The following TMPO variants were observed in gnomAD, a reference collection of about 807,000 sequenced individuals.
TMPO encodes the protein thymopoietin.
In TMPO, 22 loss-of-function variants were observed where a neutral mutation model predicts 45.4. The ratio of observed to expected loss-of-function variants is 0.48; its 90% CI spans 0.35 to 0.69. TMPO has a LOEUF of 0.69. TMPO is among the 30% of genes least tolerant of loss of function. The pLI, the probability that TMPO is intolerant of heterozygous loss-of-function variation, is 0.01. For missense variants in TMPO, 512 were observed against 548.8 expected, an observed-to-expected ratio of 0.93 and a Z score of 0.67; for synonymous variants, 241 against 204.1, an observed-to-expected ratio of 1.18 and a Z score of -1.54.
intron 4 of TMPO, among the ~76,000 whole-genome samples, chr12:98,539,670 C>T (rs1299378863): frequency 1.3e-5 from 2 of 152,104 alleles, no homozygotes; most frequent in Non-Finnish European, 2.9e-5. Flanking sequence ...GACCAGGTTT[C>T]ACCATGTTGG....
At chr12:98,539,202 A>AAAATAAATAAATAAATAAAT (rs71436918) in intron 4 of TMPO, among the ~76,000 whole-genome samples, 1 of 151,338 alleles carries the variant, frequency 6.6e-6, no homozygotes, top group East Asian at 2.0e-4. Flanking sequence ...CTCTGTCTCA[A>AAAATAAATAAATAAATAAAT]AAATAAATAA....
At chr12:98,538,810 T>G (rs984594529) in intron 4 of TMPO, among the ~76,000 whole-genome samples, 1 of 152,206 alleles carries the variant, frequency 6.6e-6, no homozygotes, top group African/African-American at 2.4e-5. Context: ...ATTGAATGAA[T>G]GAAGACTTTG....
intron 1 of TMPO, chr12:98,516,442 G>T (rs1207128009): frequency 8.7e-7 from 1 of 1,154,528 alleles, no homozygotes. Context: ...ACCACCAGCC[G>T]CCTGCAGCGG....
chr12:98,524,387 A>G (rs1487255885), intron 1 of TMPO, among the ~76,000 whole-genome samples: 2 of 152,016 alleles, frequency 1.3e-5, no homozygotes, highest in Non-Finnish European at 2.9e-5. Flanking sequence ...GCCTGGCCAA[A>G]ATGGTGAAAC....
chr12:98,543,675 A>G (rs1385125049), intron 4 of TMPO, among the ~76,000 whole-genome samples: 1 of 152,174 alleles, frequency 6.6e-6, no homozygotes, highest in South Asian at 2.1e-4. Flanking sequence ...CTAATTTTGT[A>G]TCTGTTTCCA....
Position 98,548,060 on chromosome 12 carries a change from CTT to C in TMPO, c.*204_*205del. On this transcript the variant is annotated 3_prime_UTR_variant, in exon 9 of 9. Coordinates refer to ENST00000556029, the MANE Select transcript of TMPO (RefSeq NM_001032283.3). Reference sequence around the variant, plus strand: ...TGAACTTTGGACTAGTAGGAGATCACTTTGTGCCATATGAATAATCTTTTTTA... The same window carrying C: ...TGAACTTTGGACTAGTAGGAGATCACTGTGCCATATGAATAATCTTTTTTA... The C allele has an allele frequency of 5.4e-6, 3 of 551,326 alleles. No homozygotes were observed. The highest frequency in any genetic ancestry group is 6.1e-6 in the Non-Finnish European group (2 of 327,664). The allele number at this position is 551,326 out of a possible 1,614,324, so 34.2% of individuals were successfully genotyped here. A position where few individuals can be genotyped will look rare whatever the true frequency, so the allele number is the denominator to read the frequency against.
intron 3 of TMPO, chr12:98,534,414 G>A (rs1288755820): frequency 4.8e-5 from 76 of 1,597,538 alleles, no homozygotes; most frequent in Non-Finnish European, 6.2e-5. Context: ...TTTCTGTTAA[G>A]GTTGTTTTAG....
intron 3 of TMPO, chr12:98,533,398 G>A: frequency 6.2e-7 from 1 of 1,614,222 alleles, no homozygotes; most frequent in Non-Finnish European, 8.5e-7. Context: ...CAGAGATTAT[G>A]TCAATTCTCT....
intron 1 of TMPO, among the ~76,000 whole-genome samples, chr12:98,516,684 T>C (rs1875859625): frequency 6.6e-6 from 1 of 152,344 alleles, no homozygotes; most frequent in East Asian, 1.9e-4. Context: ...TTTGAACCGT[T>C]TATGTTTTCT....
At chr12:98,533,717 C>A in intron 3 of TMPO, 1 of 1,614,144 alleles carries the variant, frequency 6.2e-7, no homozygotes, top group Non-Finnish European at 8.5e-7. Context: ...AAAATAGATG[C>A]CTCAGAACTA....
chr12:98,516,282 GTCGC>G (rs2121097696), intron 1 of TMPO, 136 bp downstream of exon 1: 2 of 1,244,984 alleles, frequency 1.6e-6, no homozygotes, highest in African/African-American at 3.1e-5. Flanking sequence ...GCCCCCTCGC[GTCGC>G]CCCTTCCCCG....
intron 1 of TMPO, among the ~76,000 whole-genome samples, chr12:98,522,674 T>A (rs1876460193): frequency 6.6e-6 from 1 of 152,210 alleles, no homozygotes. Context: ...GTCAGGGCAA[T>A]ATAGTGCAAT....
intron 7 of TMPO, 86 bp downstream of exon 7, chr12:98,545,147 T>TTTTTTG (rs1878155423): frequency 1.0e-6 from 1 of 1,004,550 alleles, no homozygotes; most frequent in Non-Finnish European, 1.5e-6. Context: ...TTTTTTTTTT[T>TTTTTTG]GGAGTGGGAG....
chr12:98,526,260 A>G (rs1369283464), intron 1 of TMPO, among the ~76,000 whole-genome samples: 2 of 152,216 alleles, frequency 1.3e-5, no homozygotes, highest in African/African-American at 4.8e-5. Flanking sequence ...CCTAAGTCAT[A>G]AACTAGCTAC....
chr12:98,532,362 ATAAT>A (rs1212500002), intron 3 of TMPO: 2 of 167,310 alleles, frequency 1.2e-5, no homozygotes, highest in Non-Finnish European at 1.3e-5. Flanking sequence ...TTTATTCTTC[ATAAT>A]TAATACATAG....
At chr12:98,528,340 G>A (rs368379941) in intron 2 of TMPO, among the ~76,000 whole-genome samples, 14 of 150,702 alleles carry the variant, frequency 9.3e-5, no homozygotes, top group African/African-American at 3.2e-4. Flanking sequence ...GCAGTGACGC[G>A]ATCTCGGCTC....
intron 2 of TMPO, among the ~76,000 whole-genome samples, chr12:98,529,572 A>ATT (rs200565419): frequency 1.3e-5 from 2 of 148,378 alleles, no homozygotes; most frequent in Admixed American, 1.4e-4. Context: ...TTTTATTATT[A>ATT]TTTTTTTTTT....
At position 98,515,704 on chromosome 12, in the gene TMPO, G is replaced by T; in HGVS notation, c.-164G>T. 1 of 1,459,460 alleles carries T rather than the reference G, an allele frequency of 6.9e-7. No homozygotes were observed. The highest frequency in any genetic ancestry group is 9.2e-7 in the Non-Finnish European group (1 of 1,088,272). 90.4% of individuals were successfully genotyped at this position (1,459,460 alleles called of 1,614,324 possible). ...CTGGGGTCTTTTGTGTCCGGGTCTG[G>T]CTTGGCTTTGTGTCCGCGAGTTTTT... On this transcript the variant is annotated 5_prime_UTR_variant, in exon 1 of 9. Coordinates refer to ENST00000556029, the MANE Select transcript of TMPO (RefSeq NM_001032283.3).
At chr12:98,531,974 T>C (rs1172580547) in intron 3 of TMPO, 136 bp downstream of exon 3, 1 of 677,926 alleles carries the variant, frequency 1.5e-6, no homozygotes, top group Non-Finnish European at 2.4e-6. Flanking sequence ...AGTAATTCTG[T>C]AATTTGATTT....
Sources: gnomAD v4.1 joint callset for allele counts (sites outside exome capture counted in the v4.1 genomes callset) on GRCh38, gnomAD v4.1.1 for gene constraint, MANE v1.5 for transcripts, NCBI Gene and HGNC (gene_info 2026-07-23, HGNC 2026-07-21) for gene names.